DLG2: variants seen among roughly 807,000 people sequenced by gnomAD.
The protein encoded by DLG2 is disks large homolog 2.
A neutral mutation model predicts 132.5 loss-of-function variants in DLG2; 45 were observed. The observed-to-expected ratio is 0.34, with a 90% confidence interval of 0.27 to 0.44. The LOEUF is 0.44. Among genes scored for constraint, DLG2 ranks in the 20% least tolerant of loss-of-function variants. The pLI, the probability that DLG2 is intolerant of heterozygous loss-of-function variation, is 1.00. For missense variants in DLG2, 1,045 were observed against 1,196.9 expected, an observed-to-expected ratio of 0.87 and a Z score of 1.87; for synonymous variants, 424 against 419.6, an observed-to-expected ratio of 1.01 and a Z score of -0.13.
At chr11:84,164,402 T>A (rs1220847969) in intron 8 of DLG2, among the ~76,000 whole-genome samples, 3 of 152,182 alleles carry the variant, frequency 2.0e-5, no homozygotes, top group Non-Finnish European at 4.4e-5. Flanking sequence ...TCATTGGAAT[T>A]TAGGAATCAG....
chr11:84,738,825 T>A (rs71469657), intron 6 of DLG2, among the ~76,000 whole-genome samples: 1 of 152,194 alleles, frequency 6.6e-6, no homozygotes, highest in African/African-American at 2.4e-5. Context: ...GCAGCTTTTT[T>A]CATAATATCT....
intron 3 of DLG2, among the ~76,000 whole-genome samples, chr11:85,386,512 G>A (rs554251157): frequency 2.6e-5 from 4 of 151,988 alleles, no homozygotes; most frequent in African/African-American, 9.6e-5. Flanking sequence ...GGATGAATTC[G>A]TAGGACTATT....
intron 7 of DLG2, among the ~76,000 whole-genome samples, chr11:84,332,789 A>G (rs1357056266): frequency 1.3e-5 from 2 of 152,212 alleles, no homozygotes; most frequent in African/African-American, 4.8e-5. Context: ...CACTTGGAAC[A>G]AATTAAAGTC....
chr11:85,492,635 G>A (rs2093587533), intron 3 of DLG2, among the ~76,000 whole-genome samples: 1 of 152,124 alleles, frequency 6.6e-6, no homozygotes, highest in Non-Finnish European at 1.5e-5. Context: ...TTAAGTGTCT[G>A]CTTCCCTTTA....
intron 6 of DLG2, among the ~76,000 whole-genome samples, chr11:84,585,726 T>C (rs898068301): frequency 1.3e-5 from 2 of 152,254 alleles, no homozygotes; most frequent in Admixed American, 1.3e-4. Flanking sequence ...GATTAACTCC[T>C]ATGTAACTTA....
intron 17 of DLG2, among the ~76,000 whole-genome samples, chr11:83,823,788 C>T (rs1217991779): frequency 1.3e-5 from 2 of 152,166 alleles, no homozygotes; most frequent in African/African-American, 2.4e-5. Flanking sequence ...CTGAACGTTG[C>T]TTCTAAGTGC....
chr11:84,863,165 C>A (rs1303074196), intron 6 of DLG2, among the ~76,000 whole-genome samples: 1 of 152,042 alleles, frequency 6.6e-6, no homozygotes, highest in Non-Finnish European at 1.5e-5. Flanking sequence ...CCAGGCCCAG[C>A]TGTTTATGCG....
chr11:85,076,574 AT>A (rs2066575557), intron 6 of DLG2, among the ~76,000 whole-genome samples: 1 of 151,890 alleles, frequency 6.6e-6, no homozygotes, highest in South Asian at 2.1e-4. Flanking sequence ...GCCTTGAAGC[AT>A]CAGCTTCCAA....
intron 7 of DLG2, among the ~76,000 whole-genome samples, chr11:84,435,450 T>C (rs1489715245): frequency 6.6e-6 from 1 of 152,198 alleles, no homozygotes; most frequent in East Asian, 1.9e-4. Flanking sequence ...CAAGATGTTA[T>C]TTCATGTTGC....
chr11:84,415,569 A>G (rs886625484), intron 7 of DLG2, among the ~76,000 whole-genome samples: 2 of 152,196 alleles, frequency 1.3e-5, no homozygotes, highest in South Asian at 2.1e-4. Context: ...TTCATTATCA[A>G]TGAATGCATA....
chr11:84,641,481 T>G (rs1396646961), intron 6 of DLG2, among the ~76,000 whole-genome samples: 1 of 152,128 alleles, frequency 6.6e-6, no homozygotes. Flanking sequence ...AATCCATCCT[T>G]AAAACAAGCT....
chr11:85,453,935 T>G (rs1334100671), intron 3 of DLG2, among the ~76,000 whole-genome samples: 3 of 152,046 alleles, frequency 2.0e-5, no homozygotes, highest in Admixed American at 2.0e-4. Flanking sequence ...CCTCCCACCC[T>G]CCACCCTTAA....
chr11:83,721,940 C>G, intron 18 of DLG2, among the ~76,000 whole-genome samples: 1 of 151,962 alleles, frequency 6.6e-6, no homozygotes. Flanking sequence ...TAAAAGGTTG[C>G]CAGATGATTA....
chr11:83,552,111 A>G (rs1593019352), intron 19 of DLG2, among the ~76,000 whole-genome samples: 1 of 152,344 alleles, frequency 6.6e-6, no homozygotes. Flanking sequence ...GTAAAACGAG[A>G]TTGGCAAAAA....
In DLG2 at chr11:85,289,796, C is replaced by T. The variant is rs118178049; in HGVS notation, c.41-4431G>A. ...TAGATAAATGCTCATATCCACTTCC[C>T]TTATCCTGTATCCAAATCCCATACT... On this transcript the variant is annotated intron_variant, in intron 3 of 27. Transcript: ENST00000376104. Among the ~76,000 whole-genome samples the T allele has an allele frequency of 1.1e-3, 171 of 152,242 alleles. 4 individuals carry two copies. The East Asian group carries it at 0.033, about 29-fold the overall frequency.
intron 7 of DLG2, among the ~76,000 whole-genome samples, chr11:84,450,739 T>A (rs150409396): frequency 2.6e-5 from 4 of 151,958 alleles, no homozygotes; most frequent in East Asian, 3.9e-4. Flanking sequence ...ACAATGTTTA[T>A]CATGTTGACA....
chr11:83,743,642 C>T (rs924499618), intron 18 of DLG2, among the ~76,000 whole-genome samples: 1 of 151,958 alleles, frequency 6.6e-6, no homozygotes, highest in Non-Finnish European at 1.5e-5. Context: ...CTATGTTGCC[C>T]AGGCTGGTCT....
chr11:83,776,126 T>C (rs1594162232), intron 18 of DLG2, among the ~76,000 whole-genome samples: 1 of 151,600 alleles, frequency 6.6e-6, no homozygotes, highest in East Asian at 1.9e-4. Context: ...AATAAATAAA[T>C]AAAGATGAAT....
At chr11:85,357,707 TATATATATATATATATATATATATATATA>T (rs1565373542) in intron 3 of DLG2, among the ~76,000 whole-genome samples, 1,369 of 2,870 alleles carry the variant, frequency 0.48, 124 homozygotes, top group Admixed American at 0.53. Context: ...TTCTGAATTA[TATATATATATATATATATATATATATATA>T]TATATATATA....
Sources: gnomAD v4.1 joint callset for allele counts (sites outside exome capture counted in the v4.1 genomes callset) on GRCh38, gnomAD v4.1.1 for gene constraint, MANE v1.5 for transcripts, NCBI Gene and HGNC (gene_info 2026-07-23, HGNC 2026-07-21) for gene names.